Variants in DPP6 observed in about 807,000 individuals in gnomAD.
The protein encoded by DPP6 is A-type potassium channel modulatory protein DPP6.
In DPP6, 69 loss-of-function variants were observed where a neutral mutation model predicts 122.6. That is an observed-to-expected ratio of 0.56 (90% CI 0.46 to 0.69). DPP6 has a LOEUF of 0.69. DPP6 is among the 30% of genes least tolerant of loss of function. The pLI, the probability that DPP6 is intolerant of heterozygous loss-of-function variation, is 0.00. For missense variants in DPP6, 928 were observed against 1,116.9 expected (o/e 0.83, Z 2.41); for synonymous variants, 418 against 433.1 (o/e 0.97, Z 0.43).
chr7:154,327,734 T>A (rs1808574590), intron 1 of DPP6, among the ~76,000 whole-genome samples: 1 of 152,108 alleles, frequency 6.6e-6, no homozygotes, highest in South Asian at 2.1e-4. Context: ...TAATGGGATA[T>A]AAAAATGTAT....
chr7:154,128,690 A>G (rs112498960), intron 1 of DPP6, among the ~76,000 whole-genome samples: 61,886 of 150,264 alleles, frequency 0.41, 13,972 homozygotes, highest in Non-Finnish European at 0.51. Context: ...TGCCCAGCCC[A>G]AGACTATTTT....
chr7:154,041,517 G>A (rs180713062), intron 1 of DPP6, among the ~76,000 whole-genome samples: 1 of 152,328 alleles, frequency 6.6e-6, no homozygotes, highest in East Asian at 1.9e-4. Context: ...ATAGATGAGC[G>A]TCTGATGCTT....
At chr7:154,089,404 C>T (rs1417839149) in intron 1 of DPP6, among the ~76,000 whole-genome samples, 2 of 136,144 alleles carry the variant, frequency 1.5e-5, no homozygotes, top group East Asian at 4.2e-4. Flanking sequence ...TAGATTTAAC[C>T]CAAGTCCTGG....
At chr7:154,475,382 G>A (rs1187259486) in intron 3 of DPP6, 2 of 322,190 alleles carry the variant, frequency 6.2e-6, no homozygotes, top group African/African-American at 2.2e-5. Context: ...TGCAGGGCAC[G>A]GTGAGCTTTC....
intron 1 of DPP6, among the ~76,000 whole-genome samples, chr7:154,075,973 T>G (rs1803521314): frequency 6.6e-6 from 1 of 151,800 alleles, no homozygotes; most frequent in African/African-American, 2.4e-5. Context: ...ATATACCACT[T>G]TAAAAGTTTC....
rs1016065843 is a variant in DPP6, at chr7:154,508,420, C to T, written c.458-32112C>T. ...TCTATAAGGGCTCAAATTCCTCCAT[C>T]GGATACTCTGTATCTTGATGGCAGA... On this transcript the variant is annotated intron_variant, in intron 3 of 25. Transcript: ENST00000377770. 1.6e-4 allele frequency among the ~76,000 whole-genome samples: 24 copies of T among 152,270 alleles called. 1 individual carries two copies. Among genetic ancestry groups the T allele is most frequent in the African/African-American group, 4.3e-4 (18 of 41,564 alleles).
At chr7:153,985,984 A>G (rs1286329970) in intron 1 of DPP6, among the ~76,000 whole-genome samples, 2 of 152,228 alleles carry the variant, frequency 1.3e-5, no homozygotes, top group Non-Finnish European at 2.9e-5. Flanking sequence ...GTAATCACAG[A>G]CACCCACACA....
intron 7 of DPP6, among the ~76,000 whole-genome samples, chr7:154,678,806 T>C (rs1411694825): frequency 6.6e-6 from 1 of 152,224 alleles, no homozygotes; most frequent in Non-Finnish European, 1.5e-5. Context: ...TTGCGTGACC[T>C]TGACTGAGAG....
At chr7:154,748,000 G>C (rs1843115047) in intron 8 of DPP6, among the ~76,000 whole-genome samples, 1 of 152,186 alleles carries the variant, frequency 6.6e-6, no homozygotes, top group South Asian at 2.1e-4. Context: ...GGTACAAGCT[G>C]TCAGCTGACA....
chr7:154,590,695 C>T (rs1028446075), intron 5 of DPP6, among the ~76,000 whole-genome samples: 2 of 150,240 alleles, frequency 1.3e-5, no homozygotes, highest in East Asian at 2.0e-4. Flanking sequence ...CCACCACACC[C>T]GGCTAATTTT....
intron 1 of DPP6, among the ~76,000 whole-genome samples, chr7:154,418,278 G>T (rs938486695): frequency 6.6e-6 from 1 of 152,194 alleles, no homozygotes; most frequent in East Asian, 1.9e-4. Flanking sequence ...GGCTTTGGTA[G>T]CATCCTTTTG....
the DPP6 span, among the ~76,000 whole-genome samples, chr7:153,867,779 C>T: frequency 6.6e-6 from 1 of 152,138 alleles, no homozygotes; most frequent in Non-Finnish European, 1.5e-5. Context: ...ATGATATTGG[C>T]TGTGGGTTTG....
At chr7:154,047,644 G>A (rs1800090177), upstream of DPP6, among the ~76,000 whole-genome samples, 1 of 151,792 alleles carries the variant, frequency 6.6e-6, no homozygotes. Flanking sequence ...CCTCCAGGGT[G>A]AGAGGTGATT....
At chr7:154,322,158 A>G (rs1253147950) in intron 1 of DPP6, among the ~76,000 whole-genome samples, 1 of 151,554 alleles carries the variant, frequency 6.6e-6, no homozygotes, top group East Asian at 2.0e-4. Flanking sequence ...AGCCCTGGCT[A>G]AAGTTATGTG....
chr7:153,950,800 A>G (rs1277558028), intron 1 of DPP6, among the ~76,000 whole-genome samples: 1 of 152,256 alleles, frequency 6.6e-6, no homozygotes, highest in Non-Finnish European at 1.5e-5. Context: ...TACAATGGCA[A>G]GGAACATATC....
intron 1 of DPP6, chr7:154,057,395 G>A (rs12534228): frequency 0.48 from 110,632 of 228,182 alleles, 26,617 homozygotes; most frequent in South Asian, 0.63. Flanking sequence ...CACTGGCTTA[G>A]GACGCCCATC....
chr7:154,522,358 C>G (rs1198446460), intron 3 of DPP6, among the ~76,000 whole-genome samples: 1 of 152,150 alleles, frequency 6.6e-6, no homozygotes. Context: ...GTTAAAGTTG[C>G]CAGCGTAAGT....
Position 154,302,979 on chromosome 7 carries a change from T to TTTTGTTTGTTTG in DPP6, c.244-143227_244-143216dup, listed in dbSNP as rs35973279. Among the ~76,000 whole-genome samples the TTTTGTTTGTTTG allele has an allele frequency of 8.1e-4, 122 of 151,498 alleles. 1 individual carries two copies. The highest frequency in any genetic ancestry group is 2.9e-3 in the African/African-American group (118 of 41,178). On this transcript the variant is annotated intron_variant, in intron 1 of 25. Transcript: ENST00000377770. ...TGACCCATCCCTGGGGTTTTAGTTT[T>TTTTGTTTGTTTG]TTTGTTTGTTTGTTTGTTTTGAGAC...
chr7:154,671,203 T>C (rs75765721), intron 7 of DPP6, among the ~76,000 whole-genome samples: 18,191 of 152,196 alleles, frequency 0.12, 1,148 homozygotes, highest in African/African-American at 0.16. Context: ...AAGTCTGTGA[T>C]TGAAGAGATT....
Sources: allele counts gnomAD v4.1 joint callset (sites outside exome capture counted in the v4.1 genomes callset), GRCh38; gene constraint gnomAD v4.1.1; transcripts MANE v1.5; gene names NCBI Gene and HGNC (gene_info 2026-07-23, HGNC 2026-07-21).